EHMT1: variants seen among roughly 807,000 people sequenced by gnomAD.
The protein encoded by EHMT1 is euchromatic histone lysine methyltransferase 1.
EHMT1 carries 15 observed loss-of-function variants against 147.2 expected under a neutral mutation model. The observed-to-expected ratio is 0.10, with a 90% CI of 0.07 to 0.16. The LOEUF is 0.16. Among genes scored for constraint, EHMT1 ranks in the 10% least tolerant of loss-of-function variants. The probability of loss-of-function intolerance (pLI) is 1.00; values close to 1 mark genes in which losing one functional copy is unlikely to be tolerated. For synonymous variants in EHMT1, 795 were observed against 709.6 expected, an observed-to-expected ratio of 1.12 and a Z score of -1.91; for missense variants, 1,587 against 1,772.4, an observed-to-expected ratio of 0.90 and a Z score of 1.88.
chr9:137,750,498 T>C (rs1256403282), intron 6 of EHMT1, among the ~76,000 whole-genome samples: 1 of 152,200 alleles, frequency 6.6e-6, no homozygotes, highest in Non-Finnish European at 1.5e-5. Flanking sequence ...GTGTTCCTTG[T>C]TAATGTGGAG....
At chr9:137,690,809 G>T (rs1009915819) in intron 1 of EHMT1, among the ~76,000 whole-genome samples, 12 of 152,128 alleles carry the variant, frequency 7.9e-5, no homozygotes, top group Admixed American at 6.5e-4. Context: ...AAATTGCACT[G>T]CTGCTTTAAA....
At chr9:137,721,675 C>T (rs1946070486) in intron 3 of EHMT1, among the ~76,000 whole-genome samples, 1 of 151,742 alleles carries the variant, frequency 6.6e-6, no homozygotes, top group Admixed American at 6.6e-5. Context: ...TCACGCTCAT[C>T]CCCTTGCACA....
In EHMT1 at chr9:137,816,029, A is replaced by G; in HGVS notation, c.3341A>G (p.Asn1114Ser). Residue 1114 changes from asparagine (N) to serine (S), a missense_variant, in exon 23 of 27, where the codon AAC becomes AGC. Physicochemically the swap from Asn to Ser is conservative, Grantham distance 46 (BLOSUM62 1). Coordinates refer to ENST00000460843, the MANE Select transcript of EHMT1 (RefSeq NM_024757.5). ...AACCACGCGTGCTCCTGCTGGAGGA[A>G]CTGCCGAAATCGCGTCGTACAGAAT... ...ECNHACSCWR[N>S]CRNRVVQNGL... is the part of the protein sequence containing the mutation. 1.2e-6 allele frequency: 2 copies of G among 1,613,262 alleles called. No homozygotes were observed. Among genetic ancestry groups the G allele is most frequent in the Non-Finnish European group, 1.7e-6 (2 of 1,179,620 alleles).
intron 2 of EHMT1, among the ~76,000 whole-genome samples, chr9:137,716,368 CAT>C: frequency 7.8e-6 from 1 of 128,740 alleles, no homozygotes; most frequent in African/African-American, 2.8e-5. Context: ...GTTGTGGTGT[CAT>C]GGTGGGGGAG....
rs982917332 is a variant in EHMT1, at chr9:137,828,546, G to T, written c.3541-5803G>T. On this transcript the variant is annotated intron_variant, in intron 25 of 26. Transcript: ENST00000460843. This position sits in a 1 kb window ranked among gnomAD's most constrained non-coding sequence, Gnocchi z 5.3. ...TGGGGTCAGACTGAGAAAGGGGCTC[G>T]TCCTGAGAAGCCACAAAGTGTGCTC... is the stretch of plus-strand genomic sequence containing the variant. Among the ~76,000 whole-genome samples the T allele has an allele frequency of 3.6e-4, 54 of 151,420 alleles. No individual in the cohort carries two copies. Among genetic ancestry groups the T allele is most frequent in the Admixed American group, 8.5e-4 (13 of 15,232 alleles).
In EHMT1 at chr9:137,718,179, C is replaced by T. The variant is rs528754114; in HGVS notation, c.642+997C>T. The stretch of plus-strand genomic sequence containing the variant: ...ACCGTGCTGATTTTCACACACAGGG[C>T]GCGCCCGCCCCTCACGCGCACCGTG... On this transcript the variant is annotated intron_variant, in intron 3 of 26. Transcript: ENST00000460843. Among the ~76,000 whole-genome samples, 91 of 150,858 alleles carry T rather than the reference C, an allele frequency of 6.0e-4. 1 individual carries two copies. In the South Asian group the frequency reaches 0.017, roughly 28 times the overall value.
intron 1 of EHMT1, among the ~76,000 whole-genome samples, chr9:137,678,783 A>G (rs904869553): frequency 2.9e-5 from 4 of 137,472 alleles, no homozygotes; most frequent in African/African-American, 8.2e-5. Flanking sequence ...CTATCTGACG[A>G]GGGAGACGGC....
intron 3 of EHMT1, among the ~76,000 whole-genome samples, chr9:137,726,976 G>T (rs1588403844): frequency 6.6e-6 from 1 of 152,102 alleles, no homozygotes. Context: ...AGAAATGTCT[G>T]TTCAGGTCCT....
At chr9:137,666,739 A>G (rs868178526) in intron 1 of EHMT1, among the ~76,000 whole-genome samples, 1 of 152,254 alleles carries the variant, frequency 6.6e-6, no homozygotes, top group African/African-American at 2.4e-5. Context: ...CTGCGTGTTC[A>G]TTGGGAGACT....
In EHMT1 at chr9:137,711,699, G is replaced by A. The variant is rs188919085; in HGVS notation, c.85+669G>A. On this transcript the variant is annotated intron_variant, in intron 2 of 26. Coordinates refer to ENST00000460843, the MANE Select transcript of EHMT1 (RefSeq NM_024757.5). Reference sequence around the variant, plus strand: ...AAGGCGTGGCGCACACATAGGGTTCGGATGTTCTTGGAGAGCCTGCACCAC... The same window carrying A: ...AAGGCGTGGCGCACACATAGGGTTCAGATGTTCTTGGAGAGCCTGCACCAC... 3.0e-4 allele frequency among the ~76,000 whole-genome samples: 45 copies of A among 152,220 alleles called. 1 individual carries two copies. In the South Asian group the frequency reaches 3.5e-3, roughly 12 times the overall value.
chr9:137,743,657 C>T, intron 5 of EHMT1, 129 bp downstream of exon 5: 2 of 1,401,782 alleles, frequency 1.4e-6, no homozygotes, highest in Non-Finnish European at 2.0e-6. Context: ...GCTCCTCTGC[C>T]ATAGGGGCAG....
In EHMT1 at chr9:137,622,427, T is replaced by C. The variant is rs544319488; in HGVS notation, c.21+3378T>C. Among the ~76,000 whole-genome samples, 20 of 152,266 alleles carry C rather than the reference T, an allele frequency of 1.3e-4. No individual in the cohort carries two copies. The South Asian group carries it at 3.1e-3, about 24-fold the overall frequency. ...GAGCCACCGCCCCCGGCCGATCATC[T>C]TCTGTCTTTCTAGAGAAGAAGCAGC... On this transcript the variant is annotated intron_variant, in intron 1 of 26. Coordinates refer to ENST00000460843, the MANE Select transcript of EHMT1 (RefSeq NM_024757.5).
At position 137,828,258 on chromosome 9, in the gene EHMT1, G is replaced by A. The variant is rs1955953122; in HGVS notation, c.3541-6091G>A. Among the ~76,000 whole-genome samples the A allele has an allele frequency of 6.6e-6, 1 of 151,674 alleles. No individual in the cohort carries two copies. The highest frequency in any genetic ancestry group is 6.6e-5 in the Admixed American group (1 of 15,246). On this transcript the variant is annotated intron_variant, in intron 25 of 26. Coordinates refer to ENST00000460843, the MANE Select transcript of EHMT1 (RefSeq NM_024757.5). This position sits in a 1 kb window ranked among gnomAD's most constrained non-coding sequence, Gnocchi z 5.3. ...GGTCAGAGGGGTGTGCCCAGGAGGA[G>A]CCCCTCTGCATTCTTCAGGGTGCAT...
At chr9:137,795,006 C>T (rs1468929278) in intron 16 of EHMT1, 1 of 152,106 alleles carries the variant, frequency 6.6e-6, no homozygotes, top group Non-Finnish European at 1.5e-5. Flanking sequence ...GTCATTTAAA[C>T]TCAAATAATG....
chr9:137,654,479 C>G (rs1938224025), intron 1 of EHMT1, among the ~76,000 whole-genome samples: 3 of 150,972 alleles, frequency 2.0e-5, no homozygotes, highest in Admixed American at 6.7e-5. Context: ...AGATGTTGTT[C>G]CTTAGGCCAG....
intron 12 of EHMT1, 174 bp downstream of exon 12, chr9:137,777,018 C>A: frequency 1.5e-6 from 1 of 677,854 alleles, no homozygotes; most frequent in Non-Finnish European, 2.5e-6. Flanking sequence ...GCCATTTGTG[C>A]ATACGTTGCT....
chr9:137,768,793 G>A lies in EHMT1; in HGVS notation c.1647+5973G>A, dbSNP rs867537576. On this transcript the variant is annotated intron_variant, in intron 10 of 26. Coordinates refer to ENST00000460843, the MANE Select transcript of EHMT1 (RefSeq NM_024757.5). ...TCTCGATCTCCTGACCTCGTGATCCGCCCGCCTCGGCCTCCCAAAGTGCTG... is the reference window on the plus strand; with the variant it reads ...TCTCGATCTCCTGACCTCGTGATCCACCCGCCTCGGCCTCCCAAAGTGCTG... 6.6e-5 allele frequency among the ~76,000 whole-genome samples: 10 copies of A among 150,836 alleles called. No individual in the cohort carries two copies. In the East Asian group the frequency reaches 7.8e-4, roughly 12 times the overall value.
Position 137,736,026 on chromosome 9 carries a change from A to C in EHMT1, c.824-7345A>C, listed in dbSNP as rs547061746. Among the ~76,000 whole-genome samples the C allele has an allele frequency of 8.5e-5, 13 of 152,328 alleles. No homozygotes were observed. The South Asian group carries it at 2.7e-3, about 32-fold the overall frequency. The stretch of plus-strand genomic sequence containing the variant: ...AAGGCAGATGCATCAAGAGAAAAAA[A>C]ACAGATGATCCTACTACATGCTGTC... On this transcript the variant is annotated intron_variant, in intron 4 of 26. Transcript: ENST00000460843.
intron 25 of EHMT1, among the ~76,000 whole-genome samples, chr9:137,831,165 G>C (rs972147939): frequency 1.3e-5 from 2 of 152,132 alleles, no homozygotes; most frequent in Admixed American, 6.6e-5. Context: ...CTAACCTTGG[G>C]GTCTCAGCCT....
Sources: allele counts gnomAD v4.1 joint callset (sites outside exome capture counted in the v4.1 genomes callset), GRCh38; gene constraint gnomAD v4.1.1; non-coding constraint Gnocchi (gnomAD v3.1); transcripts MANE v1.5; gene names NCBI Gene and HGNC (gene_info 2026-07-23, HGNC 2026-07-21).